The following MARCHF1 variants were observed in gnomAD, a reference collection of about 807,000 sequenced individuals.
MARCHF1 encodes the protein E3 ubiquitin-protein ligase MARCHF1.
A neutral mutation model predicts 54.2 loss-of-function variants in MARCHF1; 40 were observed. The ratio of observed to expected loss-of-function variants is 0.74; its 90% CI spans 0.57 to 0.96. The LOEUF is 0.96. Ranked by LOEUF, MARCHF1 falls within the 40% of genes least tolerant of loss-of-function variation. MARCHF1 has a pLI of 0.00. For missense variants in MARCHF1, 586 were observed against 656.5 expected, an observed-to-expected ratio of 0.89 and a Z score of 1.17; for synonymous variants, 236 against 236.3, an observed-to-expected ratio of 1.00 and a Z score of 0.01.
intron 2 of MARCHF1, among the ~76,000 whole-genome samples, chr4:164,063,820 T>C (rs1440778239): frequency 6.6e-6 from 1 of 152,182 alleles, no homozygotes; most frequent in African/African-American, 2.4e-5. Context: ...AACTGTCTTT[T>C]TTTTTTAAGT....
chr4:163,862,766 A>G (rs1749967549), intron 3 of MARCHF1, among the ~76,000 whole-genome samples: 1 of 152,122 alleles, frequency 6.6e-6, no homozygotes, highest in Admixed American at 6.6e-5. Context: ...ATGCACACAT[A>G]TGCTTATAGG....
intron 5 of MARCHF1, among the ~76,000 whole-genome samples, chr4:163,683,307 C>T (rs1186671503): frequency 6.6e-6 from 1 of 152,178 alleles, no homozygotes; most frequent in Admixed American, 6.5e-5. Context: ...TGCAGGGAAA[C>T]TGCCTCTTAT....
chr4:163,861,700 A>G (rs9994674), intron 3 of MARCHF1, among the ~76,000 whole-genome samples: 14,481 of 152,058 alleles, frequency 0.095, 1,358 homozygotes, highest in East Asian at 0.34. Flanking sequence ...ATCCTAGAAA[A>G]GTATTTTATA....
intron 1 of MARCHF1, among the ~76,000 whole-genome samples, chr4:164,314,459 T>G (rs1029955863): frequency 2.6e-5 from 4 of 152,158 alleles, no homozygotes; most frequent in African/African-American, 4.8e-5. Flanking sequence ...CATAAGTCAT[T>G]GACTCTTAAT....
At chr4:163,946,911 A>G (rs1752037081) in intron 3 of MARCHF1, among the ~76,000 whole-genome samples, 1 of 152,222 alleles carries the variant, frequency 6.6e-6, no homozygotes, top group South Asian at 2.1e-4. Flanking sequence ...ACACCATTAG[A>G]ATACCCTATC....
At chr4:163,844,792 A>G (rs1441035563) in intron 4 of MARCHF1, among the ~76,000 whole-genome samples, 1 of 152,200 alleles carries the variant, frequency 6.6e-6, no homozygotes, top group East Asian at 1.9e-4. Context: ...CCGAATACTA[A>G]ACAATTCATT....
At chr4:163,937,447 G>A (rs1396762761) in intron 3 of MARCHF1, among the ~76,000 whole-genome samples, 1 of 151,524 alleles carries the variant, frequency 6.6e-6, no homozygotes, top group Non-Finnish European at 1.5e-5. Flanking sequence ...TTACTCCTAG[G>A]ATATCTGAAT....
chr4:164,244,640 A>C (rs1223517773), intron 1 of MARCHF1, among the ~76,000 whole-genome samples: 1 of 150,294 alleles, frequency 6.7e-6, no homozygotes, highest in African/African-American at 2.4e-5. Flanking sequence ...AGACACAAAA[A>C]ACCCTTCAAA....
At chr4:163,592,764 C>G (rs1194294820) in intron 7 of MARCHF1, among the ~76,000 whole-genome samples, 1 of 151,964 alleles carries the variant, frequency 6.6e-6, no homozygotes, top group Non-Finnish European at 1.5e-5. Context: ...CTGAGGATTC[C>G]CACTGAGATT....
chr4:164,253,471 CTTT>C (rs1046036861), intron 1 of MARCHF1, among the ~76,000 whole-genome samples: 2 of 151,998 alleles, frequency 1.3e-5, no homozygotes, highest in Non-Finnish European at 2.9e-5. Flanking sequence ...TTTTAAAATG[CTTT>C]TAATAACAAG....
At chr4:163,537,044 T>G (rs1456041907) in intron 9 of MARCHF1, among the ~76,000 whole-genome samples, 1 of 152,178 alleles carries the variant, frequency 6.6e-6, no homozygotes, top group Non-Finnish European at 1.5e-5. Flanking sequence ...ACTGTCCAAA[T>G]GACCATCTTT....
At chr4:163,980,508 T>C (rs1333656789) in intron 3 of MARCHF1, among the ~76,000 whole-genome samples, 3 of 151,834 alleles carry the variant, frequency 2.0e-5, no homozygotes, top group Non-Finnish European at 2.9e-5. Flanking sequence ...AAAGCCAAAA[T>C]TGACAAATGG....
At chr4:163,975,826 C>A (rs1752638584) in intron 3 of MARCHF1, among the ~76,000 whole-genome samples, 1 of 152,118 alleles carries the variant, frequency 6.6e-6, no homozygotes, top group African/African-American at 2.4e-5. Flanking sequence ...CTCAAAGAGA[C>A]TTTGGGTATT....
chr4:163,574,005 C>A (rs1335677615), intron 8 of MARCHF1, among the ~76,000 whole-genome samples: 1 of 152,000 alleles, frequency 6.6e-6, no homozygotes, highest in African/African-American at 2.4e-5. Context: ...GATTGCCATT[C>A]TAACTGGTGT....
intron 2 of MARCHF1, among the ~76,000 whole-genome samples, chr4:164,044,575 T>C (rs1280900812): frequency 6.8e-6 from 1 of 146,376 alleles, no homozygotes; most frequent in Non-Finnish European, 1.5e-5. Context: ...AATATCATAA[T>C]TAAAATAAAT....
chr4:164,119,548 AT>A (rs1756018893), intron 1 of MARCHF1, among the ~76,000 whole-genome samples: 1 of 151,716 alleles, frequency 6.6e-6, no homozygotes. Flanking sequence ...GAGGTTAAAA[AT>A]TTTAAAGATT....
At chr4:163,925,988 A>T (rs1403731957) in intron 3 of MARCHF1, among the ~76,000 whole-genome samples, 1 of 151,610 alleles carries the variant, frequency 6.6e-6, no homozygotes, top group Non-Finnish European at 1.5e-5. Flanking sequence ...CTTTCTTCTG[A>T]TTTCAGTATG....
chr4:163,608,283 G>A lies in MARCHF1; in HGVS notation c.1010+3988C>T, dbSNP rs1048081685. 2.0e-5 allele frequency among the ~76,000 whole-genome samples: 3 copies of A among 152,178 alleles called. 1 individual carries two copies. On this transcript the variant is annotated intron_variant, in intron 7 of 9. Coordinates refer to ENST00000514618, the MANE Select transcript of MARCHF1 (RefSeq NM_001394959.1). ...TTAAACTGAGAAAGAATAGGAAGTC[G>A]TCTGGAGAAGATCCAAGGAGGTAAG...
chr4:164,166,043 A>C (rs1730371804), intron 1 of MARCHF1, among the ~76,000 whole-genome samples: 1 of 151,984 alleles, frequency 6.6e-6, no homozygotes, highest in Non-Finnish European at 1.5e-5. Flanking sequence ...AAAACTTTTA[A>C]AAATTAATTT....
Sources: gnomAD v4.1 joint callset for allele counts (sites outside exome capture counted in the v4.1 genomes callset) on GRCh38, gnomAD v4.1.1 for gene constraint, MANE v1.5 for transcripts, NCBI Gene and HGNC (gene_info 2026-07-23, HGNC 2026-07-21) for gene names.